Variants in PDS5B observed in about 807,000 individuals in gnomAD.
The protein encoded by PDS5B is sister chromatid cohesion protein PDS5 homolog B.
In PDS5B, 51 loss-of-function variants were observed where a neutral mutation model predicts 184.1. The observed-to-expected ratio is 0.28, with a 90% CI of 0.22 to 0.35. The LOEUF (loss-of-function observed/expected upper bound fraction) is 0.35. PDS5B is among the 10% of genes least tolerant of loss of function. PDS5B has a pLI of 1.00. For missense variants in PDS5B, 1,180 were observed against 1,723.3 expected, an observed-to-expected ratio of 0.68 and a Z score of 5.58; for synonymous variants, 566 against 569.2, an observed-to-expected ratio of 0.99 and a Z score of 0.08.
chr13:32,592,982 C>A (rs1377070665), intron 1 of PDS5B, among the ~76,000 whole-genome samples: 3 of 152,190 alleles, frequency 2.0e-5, no homozygotes, highest in African/African-American at 7.2e-5. Flanking sequence ...AACTCACATA[C>A]CATAATCCAT....
At chr13:32,662,140 G>A (rs1267222197) in intron 6 of PDS5B, among the ~76,000 whole-genome samples, 1 of 152,046 alleles carries the variant, frequency 6.6e-6, no homozygotes, top group Non-Finnish European at 1.5e-5. Context: ...GATGGGAAAA[G>A]TACTTGCCAG....
At chr13:32,706,643 G>T (rs1952027375) in intron 17 of PDS5B, among the ~76,000 whole-genome samples, 1 of 152,014 alleles carries the variant, frequency 6.6e-6, no homozygotes, top group Non-Finnish European at 1.5e-5. Flanking sequence ...TATGTGTTTG[G>T]GCTCAGACCT....
intron 1 of PDS5B, among the ~76,000 whole-genome samples, chr13:32,641,425 C>T (rs1293852012): frequency 1.3e-5 from 2 of 151,990 alleles, no homozygotes; most frequent in Non-Finnish European, 2.9e-5. Flanking sequence ...TCTCAAATAT[C>T]CTGTCAAGTT....
chr13:32,679,623 C>T (rs77551128), intron 10 of PDS5B, among the ~76,000 whole-genome samples: 6 of 150,282 alleles, frequency 4.0e-5, no homozygotes, highest in Admixed American at 2.0e-4. Flanking sequence ...TCAACAAGAG[C>T]GAAACTCTTT....
chr13:32,603,351 G>A (rs1278920479), intron 1 of PDS5B, among the ~76,000 whole-genome samples: 1 of 152,136 alleles, frequency 6.6e-6, no homozygotes, highest in Non-Finnish European at 1.5e-5. Context: ...ATTAAATAGG[G>A]ATTCCTTTCC....
Position 32,593,027 on chromosome 13 carries a change from CAT to C in PDS5B, c.-20+6436_-20+6437del, listed in dbSNP as rs200208992. Among the ~76,000 whole-genome samples the C allele has an allele frequency of 5.1e-3, 776 of 152,314 alleles. 17 individuals carry two copies. The highest frequency in any genetic ancestry group is 0.046 in the Admixed American group (703 of 15,294). ...ACAATTCATTATTTTTTAGGATACT[CAT>C]AGGTTTGTGCAGCCATCATCACAGT... On this transcript the variant is annotated intron_variant, in intron 1 of 34. Transcript: ENST00000315596.
chr13:32,747,164 T>TAA (rs1639101467), intron 24 of PDS5B, among the ~76,000 whole-genome samples: 1 of 152,194 alleles, frequency 6.6e-6, no homozygotes, highest in African/African-American at 2.4e-5. Context: ...TAGAAGTCTT[T>TAA]AGCATCATTG....
At chr13:32,613,363 A>G (rs567152806) in intron 1 of PDS5B, among the ~76,000 whole-genome samples, 34 of 152,352 alleles carry the variant, frequency 2.2e-4, no homozygotes, top group Non-Finnish European at 4.4e-4. Flanking sequence ...CCAGCAGTGC[A>G]TGAGCGTTTC....
intron 19 of PDS5B, among the ~76,000 whole-genome samples, chr13:32,715,624 G>GCTCTCCCTCTCC (rs200899146): frequency 2.0e-5 from 3 of 151,412 alleles, no homozygotes; most frequent in South Asian, 2.1e-4. Context: ...CACCAGTGTA[G>GCTCTCCCTCTCC]CTCTCCCTCT....
At position 32,750,673 on chromosome 13, in the gene PDS5B, CT is replaced by C. The variant is rs1953945355; in HGVS notation, c.2737-2658del. Reference sequence around the variant, plus strand: ...TCTCCTGCCTCAGCCTCCCAAGTAGCTGGGATTACAGGTGCCTGCCACCACA... The same window carrying C: ...TCTCCTGCCTCAGCCTCCCAAGTAGCGGGATTACAGGTGCCTGCCACCACA... On this transcript the variant is annotated intron_variant, in intron 24 of 34. Coordinates refer to ENST00000315596, the MANE Select transcript of PDS5B (RefSeq NM_015032.4). 6.6e-5 allele frequency among the ~76,000 whole-genome samples: 10 copies of C among 152,004 alleles called. No individual in the cohort carries two copies. The South Asian group carries it at 2.1e-3, about 32-fold the overall frequency.
chr13:32,662,912 A>G (rs544982922), intron 6 of PDS5B, among the ~76,000 whole-genome samples: 3 of 152,294 alleles, frequency 2.0e-5, no homozygotes, highest in African/African-American at 7.2e-5. Flanking sequence ...ATGAGAAACA[A>G]TGGACATGAA....
intron 17 of PDS5B, 51 bp downstream of exon 17, chr13:32,701,489 A>T (rs1297412227): frequency 8.9e-7 from 1 of 1,123,640 alleles, no homozygotes; most frequent in Non-Finnish European, 1.3e-6. Context: ...TAATGTGTAC[A>T]TTCAGGAATC....
At chr13:32,630,165 C>G (rs1181400186) in intron 1 of PDS5B, among the ~76,000 whole-genome samples, 1 of 152,200 alleles carries the variant, frequency 6.6e-6, no homozygotes, top group Non-Finnish European at 1.5e-5. Flanking sequence ...TGCTCCATCT[C>G]CCCAGAAGAA....
intron 34 of PDS5B, among the ~76,000 whole-genome samples, chr13:32,774,435 G>A (rs757348404): frequency 9.9e-5 from 15 of 152,174 alleles, no homozygotes; most frequent in Admixed American, 4.6e-4. Context: ...AGTCAGTAAC[G>A]ATTGATGTCT....
At chr13:32,674,703 G>A (rs538901232) in intron 8 of PDS5B, among the ~76,000 whole-genome samples, 15 of 151,732 alleles carry the variant, frequency 9.9e-5, no homozygotes, top group South Asian at 4.2e-4. Context: ...TACAAACAGC[G>A]TACAATTGAA....
chr13:32,718,841 A>G (rs941308646), intron 19 of PDS5B, among the ~76,000 whole-genome samples: 6 of 152,252 alleles, frequency 3.9e-5, no homozygotes, highest in Admixed American at 3.3e-4. Flanking sequence ...CAGAAGACCT[A>G]GAAGTAAAGT....
At chr13:32,644,189 G>A (rs548053472) in intron 1 of PDS5B, among the ~76,000 whole-genome samples, 2 of 152,252 alleles carry the variant, frequency 1.3e-5, no homozygotes, top group South Asian at 4.1e-4. Context: ...GGTGACTTAT[G>A]CTTGTTATGG....
At chr13:32,727,221 A>T (rs2140940259) in intron 19 of PDS5B, among the ~76,000 whole-genome samples, 1 of 152,328 alleles carries the variant, frequency 6.6e-6, no homozygotes, top group South Asian at 2.1e-4. Flanking sequence ...AATGTGTAAA[A>T]GCTTTACAGC....
chr13:32,748,536 T>G (rs577997119), intron 24 of PDS5B, among the ~76,000 whole-genome samples: 1 of 152,078 alleles, frequency 6.6e-6, no homozygotes, highest in South Asian at 2.1e-4. Flanking sequence ...TTACACAGTC[T>G]TCTTTGGCCA....
Sources: allele counts gnomAD v4.1 joint callset (sites outside exome capture counted in the v4.1 genomes callset), GRCh38; gene constraint gnomAD v4.1.1; transcripts MANE v1.5; gene names NCBI Gene and HGNC (gene_info 2026-07-23, HGNC 2026-07-21).